The following WNT6 variants were observed in gnomAD, a reference collection of about 807,000 sequenced individuals.
WNT6 encodes the protein protein Wnt-6.
In WNT6, 27 loss-of-function variants were observed where a neutral mutation model predicts 33.1. The ratio of observed to expected loss-of-function variants is 0.82; its 90% CI spans 0.60 to 1.12. The LOEUF (loss-of-function observed/expected upper bound fraction) is 1.12, where lower values mean the gene tolerates loss of function less well. Among genes scored for constraint, WNT6 ranks in the 50% most tolerant of loss-of-function variants. WNT6 has a pLI of 0.00. For synonymous variants in WNT6, 249 were observed against 242.8 expected, an observed-to-expected ratio of 1.03 and a Z score of -0.24; for missense variants, 494 against 535.3, an observed-to-expected ratio of 0.92 and a Z score of 0.76.
At chr2:218,860,252 C>A in intron 1 of WNT6, 135 bp downstream of exon 1, 2 of 784,728 alleles carry the variant, frequency 2.5e-6, no homozygotes, top group East Asian at 3.5e-5. Flanking sequence ...CGGCCGGGGG[C>A]GTTTCTGAAC....
intron 1 of WNT6, among the ~76,000 whole-genome samples, chr2:218,864,940 G>T (rs771598022): frequency 3.3e-5 from 5 of 152,216 alleles, no homozygotes; most frequent in Non-Finnish European, 7.3e-5. Context: ...CCCCCTCCAG[G>T]CCTCCCGCCT....
rs990065139 is a variant in WNT6, at chr2:218,873,377, C to T, written c.637-7C>T. The T allele has an allele frequency of 2.0e-6, 3 of 1,533,284 alleles. No individual in the cohort carries two copies. Among genetic ancestry groups the T allele is most frequent in the African/African-American group, 2.8e-5 (2 of 72,680 alleles). The allele number at this position is 1,533,284 out of a possible 1,614,324, so 95.0% of individuals were successfully genotyped here. On this transcript the variant is annotated splice_polypyrimidine_tract_variant and splice_region_variant and intron_variant, in intron 3 of 3. Coordinates refer to ENST00000233948, the MANE Select transcript of WNT6 (RefSeq NM_006522.4). The surrounding 1 kb of genome is among the most constrained non-coding windows in gnomAD (Gnocchi z 6.1). ...TCCACATGCGTCCGCCCCTCTGCCT[C>T]CCGCAGGCCGTGCGGAGCCACACGC...
chr2:218,862,994 T>C (rs1171006524), intron 1 of WNT6, among the ~76,000 whole-genome samples: 4 of 152,234 alleles, frequency 2.6e-5, no homozygotes, highest in Admixed American at 2.6e-4. Flanking sequence ...CATGAGCCAT[T>C]GTGCCTGGTC....
rs761922515 is a variant in WNT6 at position 218,873,611 on chromosome 2, C to T, written c.864C>T (p.Ala288=). 3 of 1,568,232 alleles carry T rather than the reference C, an allele frequency of 1.9e-6. No homozygotes were observed. The highest frequency in any genetic ancestry group is 1.7e-5 in the Admixed American group (1 of 57,990). Residue 288 remains alanine (A), a synonymous_variant, in exon 4 of 4, where the codon GCC becomes GCT. Transcript: ENST00000233948. This position sits in a 1 kb window ranked among gnomAD's most constrained non-coding sequence, Gnocchi z 6.1. Reference sequence around the variant, plus strand: ...GCCGAGCGGACCTCCTCTACGCCGCCGATTCGCCCGACTTCTGCGCCCCCA... The same window carrying T: ...GCCGAGCGGACCTCCTCTACGCCGCTGATTCGCCCGACTTCTGCGCCCCCA... ...PPGRADLLYA[A]DSPDFCAPNR...
In WNT6 at chr2:218,871,583, T is replaced by A. The variant is rs1944401768; in HGVS notation, c.400T>A (p.Cys134Ser). The change falls in exon 3 of 4, where the codon TGC (cysteine) becomes AGC (serine). Residue 134 changes from cysteine (C) to serine (S), a missense_variant. Transcript: ENST00000233948. The surrounding 1 kb of genome is among the most constrained non-coding windows in gnomAD (Gnocchi z 6.4). ...TATGGGCGAGCTGCTGCAGTGCGGC[T>A]GCCAGGCGCCCCGCGGGCGGGCCCC... is the stretch of plus-strand genomic sequence containing the variant. Reference protein sequence around the residue: ...CSMGELLQCGCQAPRGRAPPR... With the variant: ...CSMGELLQCGSQAPRGRAPPR... 1 of 1,538,612 alleles carries A rather than the reference T, an allele frequency of 6.5e-7. No homozygotes were observed. Among genetic ancestry groups the A allele is most frequent in the Non-Finnish European group, 8.7e-7 (1 of 1,152,794 alleles).
Position 218,873,659 on chromosome 2 carries a change from C to G in WNT6, c.912C>G (p.Gly304=). 4 of 1,582,476 alleles carry G rather than the reference C, an allele frequency of 2.5e-6. No individual in the cohort carries two copies. The highest frequency in any genetic ancestry group is 3.4e-6 in the Non-Finnish European group (4 of 1,171,702). The stretch of plus-strand genomic sequence containing the variant: ...CCAACCGACGCACCGGCTCCCCCGG[C>G]ACGCGCGGTCGCGCCTGCAATAGCA... ...CAPNRRTGSP[G]TRGRACNSSA... is the part of the protein sequence containing the mutation. The change falls in exon 4 of 4, where the codon GGC becomes GGG. Residue 304 remains glycine (G), a synonymous_variant. Transcript: ENST00000233948. The surrounding 1 kb of genome is among the most constrained non-coding windows in gnomAD (Gnocchi z 6.1).
chr2:218,872,024 C>T (rs960152902), intron 3 of WNT6, among the ~76,000 whole-genome samples: 2 of 151,478 alleles, frequency 1.3e-5, no homozygotes, highest in Non-Finnish European at 1.5e-5. Context: ...GAAGGAGTCA[C>T]GTGGGGGTCT....
chr2:218,866,935 G>C (rs1383015280), intron 1 of WNT6, among the ~76,000 whole-genome samples: 1 of 152,208 alleles, frequency 6.6e-6, no homozygotes, highest in East Asian at 1.9e-4. Context: ...CCCCAAATGA[G>C]AGGCGCCCCG....
chr2:218,873,408 G>C lies in WNT6; in HGVS notation c.661G>C (p.Glu221Gln), dbSNP rs1422060201. ...GGCCGTGCGGAGCCACACGCGCACC[G>C]AGTGCAAATGCCACGGGCTGTCGGG... is the stretch of plus-strand genomic sequence containing the variant. ...RLAVRSHTRT[E>Q]CKCHGLSGSC... The change falls in exon 4 of 4, where the codon GAG becomes CAG. Residue 221 changes from glutamate (E) to glutamine (Q), a missense_variant. Physicochemically the swap from Glu to Gln is conservative, Grantham distance 29. Transcript: ENST00000233948. The surrounding 1 kb of genome is among the most constrained non-coding windows in gnomAD (Gnocchi z 6.1). 7 of 1,536,900 alleles carry C rather than the reference G, an allele frequency of 4.6e-6. No homozygotes were observed. The highest frequency in any genetic ancestry group is 2.4e-5 in the South Asian group (2 of 83,984).
Position 218,871,761 on chromosome 2 carries a change from G to C in WNT6, c.578G>C (p.Arg193Pro), listed in dbSNP as rs371832438. The C allele has an allele frequency of 6.2e-7, 1 of 1,602,918 alleles. No individual in the cohort carries two copies. The highest frequency in any genetic ancestry group is 1.1e-5 in the South Asian group (1 of 90,442). ...SRLFMDARHK[R>P]GRGDIRALVQ... ...CTCTTTATGGACGCGCGGCACAAGC[G>C]GGGACGCGGAGACATCCGCGCGTTG... is the stretch of plus-strand genomic sequence containing the variant. The change falls in exon 3 of 4, where the codon CGG becomes CCG. Residue 193 changes from arginine to proline, a missense_variant. Transcript: ENST00000233948. The surrounding 1 kb of genome is among the most constrained non-coding windows in gnomAD (Gnocchi z 6.4).
Position 218,866,308 on chromosome 2 carries a change from G to T in WNT6, c.81-4719G>T, listed in dbSNP as rs1190138491. 3.9e-5 allele frequency among the ~76,000 whole-genome samples: 6 copies of T among 152,168 alleles called. No individual in the cohort carries two copies. The East Asian group carries it at 1.2e-3, about 29-fold the overall frequency. ...GAGGGCGTTGGGTAGCCAGTGGGCTGTGATCCCTTTGGCCTCAGTGATCCA... is the reference window on the plus strand; with the variant it reads ...GAGGGCGTTGGGTAGCCAGTGGGCTTTGATCCCTTTGGCCTCAGTGATCCA... On this transcript the variant is annotated intron_variant, in intron 1 of 3. Coordinates refer to ENST00000233948, the MANE Select transcript of WNT6 (RefSeq NM_006522.4).
At position 218,867,275 on chromosome 2, in the gene WNT6, C is replaced by T. The variant is rs149794600; in HGVS notation, c.81-3752C>T. On this transcript the variant is annotated intron_variant, in intron 1 of 3. Coordinates refer to ENST00000233948, the MANE Select transcript of WNT6 (RefSeq NM_006522.4). This position sits in a 1 kb window ranked among gnomAD's most constrained non-coding sequence, Gnocchi z 4.9. ...TCCACCAGTGGCCAGAGTCAGTCGC[C>T]TCCTGTCTTGCTCATCTGCATAACG... Among the ~76,000 whole-genome samples the T allele has an allele frequency of 1.9e-3, 294 of 152,288 alleles. 1 individual carries two copies. The highest frequency in any genetic ancestry group is 6.4e-3 in the African/African-American group (267 of 41,546).
rs201489407 is a variant in WNT6 at position 218,871,054 on chromosome 2, C to G, written c.108C>G (p.Asp36Glu). The change falls in exon 2 of 4, where the codon GAC becomes GAG. Residue 36 changes from aspartate (D) to glutamate (E), a missense_variant. By Grantham distance (45) the Asp-to-Glu change is conservative. Coordinates refer to ENST00000233948, the MANE Select transcript of WNT6 (RefSeq NM_006522.4). The surrounding 1 kb of genome is among the most constrained non-coding windows in gnomAD (Gnocchi z 6.4). ...WWAVGSPLVM[D>E]PTSICRKARR... is the part of the protein sequence containing the mutation. ...CTGTGGGCAGCCCCTTGGTTATGGA[C>G]CCTACCAGCATCTGCAGGAAGGCAC... 1 of 1,612,998 alleles carries G rather than the reference C, an allele frequency of 6.2e-7. No individual in the cohort carries two copies. The highest frequency in any genetic ancestry group is 2.2e-5 in the East Asian group (1 of 44,862).
chr2:218,866,684 C>T (rs1050732728), intron 1 of WNT6, among the ~76,000 whole-genome samples: 7 of 152,088 alleles, frequency 4.6e-5, no homozygotes, highest in Non-Finnish European at 1.0e-4. Flanking sequence ...TAAGTCTCAT[C>T]ATCCATCTAA....
Position 218,871,302 on chromosome 2 carries a change from G to T in WNT6, c.301+55G>T, listed in dbSNP as rs550764516. ...CTGCTTTCTCCCTGCTGTGGGACCC[G>T]AGGAGAGGAGAACTGGTTCGCTGAA... is the stretch of plus-strand genomic sequence containing the variant. On this transcript the variant is annotated intron_variant, in intron 2 of 3. Coordinates refer to ENST00000233948, the MANE Select transcript of WNT6 (RefSeq NM_006522.4). The surrounding 1 kb of genome is among the most constrained non-coding windows in gnomAD (Gnocchi z 6.4). 6 of 1,559,032 alleles carry T rather than the reference G, an allele frequency of 3.8e-6. No individual in the cohort carries two copies. The highest frequency in any genetic ancestry group is 2.1e-4 in the Middle Eastern group (1 of 4,754).
chr2:218,870,975 C>T (rs1237081253), intron 1 of WNT6, 52 bp from the exon 2 acceptor site: 2 of 1,516,604 alleles, frequency 1.3e-6, no homozygotes, highest in African/African-American at 1.4e-5. Flanking sequence ...TCCCTTCCAC[C>T]CCAAGCCCTT....
chr2:218,869,236 G>A lies in WNT6; in HGVS notation c.81-1791G>A, dbSNP rs1371067590. On this transcript the variant is annotated intron_variant, in intron 1 of 3. Coordinates refer to ENST00000233948, the MANE Select transcript of WNT6 (RefSeq NM_006522.4). ...TGTGTGTGCGTGCGCATGCGTGCACGCATGAGAATGCACGTGCACACACAC... is the reference window on the plus strand; with the variant it reads ...TGTGTGTGCGTGCGCATGCGTGCACACATGAGAATGCACGTGCACACACAC... Among the ~76,000 whole-genome samples the A allele has an allele frequency of 2.7e-5, 3 of 110,920 alleles. No individual in the cohort carries two copies. In the East Asian group the frequency reaches 8.3e-4, roughly 31 times the overall value. The allele number at this position is 110,920 out of a possible 152,430, so 72.8% of individuals were successfully genotyped here.
intron 1 of WNT6, among the ~76,000 whole-genome samples, chr2:218,866,386 A>T (rs948428233): frequency 3.3e-5 from 5 of 152,174 alleles, no homozygotes; most frequent in African/African-American, 1.2e-4. Context: ...CATTTGGTCC[A>T]GGAGCAGGGC....
At chr2:218,866,088 C>T (rs1193676687) in intron 1 of WNT6, among the ~76,000 whole-genome samples, 2 of 152,002 alleles carry the variant, frequency 1.3e-5, no homozygotes, top group Admixed American at 6.5e-5. Flanking sequence ...AGGCCCGGCC[C>T]AGCCGCCTCA....
Sources: gnomAD v4.1 joint callset for allele counts (sites outside exome capture counted in the v4.1 genomes callset) on GRCh38, gnomAD v4.1.1 for gene constraint, Gnocchi (gnomAD v3.1) non-coding constraint, MANE v1.5 for transcripts, NCBI Gene and HGNC (gene_info 2026-07-23, HGNC 2026-07-21) for gene names.